The following CLNK variants were observed in gnomAD, a reference collection of about 807,000 sequenced individuals.
CLNK encodes the protein cytokine dependent hematopoietic cell linker.
CLNK carries 74 observed loss-of-function variants against 68.6 expected under a neutral mutation model. The observed-to-expected ratio is 1.08, with a 90% CI of 0.89 to 1.31. The LOEUF (loss-of-function observed/expected upper bound fraction) is 1.31, where lower values mean the gene tolerates loss of function less well. Ranked by LOEUF, CLNK falls within the 50% of genes most tolerant of loss-of-function variation. The probability of loss-of-function intolerance (pLI) is 0.00; values close to 1 mark genes in which losing one functional copy is unlikely to be tolerated. For synonymous variants in CLNK, 198 were observed against 172.2 expected, an observed-to-expected ratio of 1.15 and a Z score of -1.17; for missense variants, 553 against 515.3, an observed-to-expected ratio of 1.07 and a Z score of -0.71.
chr4:10,494,408 T>C (rs1560187218), intron 18 of CLNK, among the ~76,000 whole-genome samples: 2 of 152,096 alleles, frequency 1.3e-5, no homozygotes, highest in Non-Finnish European at 2.9e-5. Flanking sequence ...ATTGTAACTT[T>C]AACAGGTAGT....
chr4:10,658,864 C>A (rs767646278), intron 2 of CLNK, among the ~76,000 whole-genome samples: 8 of 152,148 alleles, frequency 5.3e-5, no homozygotes, highest in Non-Finnish European at 1.0e-4. Flanking sequence ...TGCAGAAAAG[C>A]ATGTGGGGTG....
intron 8 of CLNK, among the ~76,000 whole-genome samples, chr4:10,542,754 G>A (rs185425873): frequency 9.3e-5 from 14 of 150,296 alleles, no homozygotes; most frequent in African/African-American, 2.4e-4. Context: ...GAGGAAAATA[G>A]CATCACAGAT....
the CLNK span, among the ~76,000 whole-genome samples, chr4:10,733,442 G>A: frequency 1.3e-5 from 2 of 152,174 alleles, no homozygotes; most frequent in Non-Finnish European, 1.5e-5. Context: ...TATTAACCAT[G>A]TTATACTTGG....
chr4:10,529,497 C>T (rs1027144453), intron 12 of CLNK, among the ~76,000 whole-genome samples: 1 of 152,194 alleles, frequency 6.6e-6, no homozygotes, highest in Non-Finnish European at 1.5e-5. Context: ...GTATGCCTCC[C>T]TCTGAAGCTA....
intron 2 of CLNK, among the ~76,000 whole-genome samples, chr4:10,633,194 T>C (rs1254269923): frequency 2.6e-5 from 4 of 152,210 alleles, no homozygotes; most frequent in Non-Finnish European, 5.9e-5. Flanking sequence ...TGCCTCGGCC[T>C]CCCAAAGTGC....
chr4:10,553,457 A>AT (rs112540905), intron 8 of CLNK, among the ~76,000 whole-genome samples: 52 of 149,220 alleles, frequency 3.5e-4, no homozygotes, highest in African/African-American at 5.2e-4. Flanking sequence ...TTTTTATTTT[A>AT]TTTTTTTTTT....
At chr4:10,581,432 A>G (rs1219365535) in intron 4 of CLNK, among the ~76,000 whole-genome samples, 2 of 152,150 alleles carry the variant, frequency 1.3e-5, no homozygotes, top group African/African-American at 4.8e-5. Flanking sequence ...ACTGGACAAC[A>G]GTTCTTTGAT....
chr4:10,697,878 A>G, the CLNK span, among the ~76,000 whole-genome samples: 2 of 152,184 alleles, frequency 1.3e-5, no homozygotes, highest in Non-Finnish European at 1.5e-5. Context: ...GAGGCTCATC[A>G]AAGAATCATG....
chr4:10,556,935 G>A (rs946011438), intron 8 of CLNK, among the ~76,000 whole-genome samples: 1 of 151,958 alleles, frequency 6.6e-6, no homozygotes, highest in Admixed American at 6.6e-5. Context: ...AATTAGCCAG[G>A]CATGGTGGAA....
the CLNK span, among the ~76,000 whole-genome samples, chr4:10,726,409 A>G: frequency 6.6e-5 from 10 of 152,226 alleles, no homozygotes; most frequent in African/African-American, 2.4e-4. Context: ...GTGAGCCACC[A>G]TGCCTGGCCC....
intron 2 of CLNK, among the ~76,000 whole-genome samples, chr4:10,603,165 AC>A (rs1721655225): frequency 6.6e-6 from 1 of 152,078 alleles, no homozygotes; most frequent in African/African-American, 2.4e-5. Flanking sequence ...CTTTTCCAGA[AC>A]CTTCTCATTC....
intron 2 of CLNK, among the ~76,000 whole-genome samples, chr4:10,605,872 T>C (rs1018252718): frequency 2.1e-4 from 30 of 143,472 alleles, no homozygotes; most frequent in Admixed American, 1.9e-3. Context: ...GAAAAGGAAG[T>C]GGTATACCTG....
rs971401657 is a variant in CLNK at position 10,514,905 on chromosome 4, C to G, written c.773-1308G>C. Among the ~76,000 whole-genome samples, 103 of 152,184 alleles carry G rather than the reference C, an allele frequency of 6.8e-4. 1 individual carries two copies. The highest frequency in any genetic ancestry group is 2.4e-3 in the African/African-American group (99 of 41,534). On this transcript the variant is annotated intron_variant, in intron 15 of 18. Transcript: ENST00000226951. ...TCTACAATGAACTCAAACAAATTTACAAGAAAAAAACAAACAATCCCAGAG... is the reference window on the plus strand; with the variant it reads ...TCTACAATGAACTCAAACAAATTTAGAAGAAAAAAACAAACAATCCCAGAG...
At chr4:10,665,898 G>T (rs1165781107) in intron 2 of CLNK, among the ~76,000 whole-genome samples, 1 of 152,162 alleles carries the variant, frequency 6.6e-6, no homozygotes. Flanking sequence ...CCCTGTTTGG[G>T]AAAAGCATCT....
intron 2 of CLNK, among the ~76,000 whole-genome samples, chr4:10,632,265 A>C (rs1181733396): frequency 1.3e-5 from 2 of 152,118 alleles, no homozygotes; most frequent in African/African-American, 2.4e-5. Context: ...TTTTCCCTCC[A>C]AACTATCTTG....
At chr4:10,522,518 G>A (rs1718120522) in intron 14 of CLNK, among the ~76,000 whole-genome samples, 2 of 142,492 alleles carry the variant, frequency 1.4e-5, no homozygotes, top group Non-Finnish European at 3.0e-5. Flanking sequence ...AGGTTGCAGT[G>A]AGCCGAGATC....
At chr4:10,546,507 C>T (rs145340101) in intron 8 of CLNK, among the ~76,000 whole-genome samples, 1 of 152,162 alleles carries the variant, frequency 6.6e-6, no homozygotes, top group Non-Finnish European at 1.5e-5. Flanking sequence ...ATCAGAATGG[C>T]CTTTACTGTC....
intron 8 of CLNK, among the ~76,000 whole-genome samples, chr4:10,543,635 G>C (rs113831274): frequency 2.0e-5 from 3 of 152,190 alleles, no homozygotes; most frequent in African/African-American, 4.8e-5. Flanking sequence ...CTTGGTGAAA[G>C]GTCCAACTGG....
intron 7 of CLNK, among the ~76,000 whole-genome samples, chr4:10,560,889 C>T (rs1331188884): frequency 6.6e-6 from 1 of 151,934 alleles, no homozygotes; most frequent in African/African-American, 2.4e-5. Flanking sequence ...AAATGTGAAA[C>T]TCCTCCCCCA....
Sources: allele counts gnomAD v4.1 joint callset (sites outside exome capture counted in the v4.1 genomes callset), GRCh38; gene constraint gnomAD v4.1.1; transcripts MANE v1.5; gene names NCBI Gene and HGNC (gene_info 2026-07-23, HGNC 2026-07-21).